The following CDK5RAP2 variants were observed in gnomAD, a reference collection of about 807,000 sequenced individuals.
The protein encoded by CDK5RAP2 is CDK5 regulatory subunit associated protein 2.
In CDK5RAP2, 147 loss-of-function variants were observed where a neutral mutation model predicts 232.9. The ratio of observed to expected loss-of-function variants is 0.63; its 90% CI spans 0.55 to 0.72. The LOEUF (loss-of-function observed/expected upper bound fraction) is 0.72. Among genes scored for constraint, CDK5RAP2 ranks in the 30% least tolerant of loss-of-function variants. CDK5RAP2 has a pLI of 0.00. For missense variants in CDK5RAP2, 2,195 were observed against 2,231.5 expected (o/e 0.98, Z 0.33); for synonymous variants, 833 against 833.7 (o/e 1.00, Z 0.01).
chr9:120,568,559 C>T lies in CDK5RAP2; in HGVS notation c.128-171G>A, dbSNP rs56308811. 0.022 allele frequency among the ~76,000 whole-genome samples: 3,355 copies of T among 152,286 alleles called. 56 individuals are homozygous for T. Among genetic ancestry groups the T allele is most frequent in the Non-Finnish European group, 0.037 (2,527 of 68,016 alleles). Reference sequence around the variant, plus strand: ...ATTTTGCTCCAGGGAAAGCTCTAAACCATTAATTTACAAATTACTTAAACT... The same window carrying T: ...ATTTTGCTCCAGGGAAAGCTCTAAATCATTAATTTACAAATTACTTAAACT... On this transcript the variant is annotated intron_variant, in intron 2 of 37. Coordinates refer to ENST00000349780, the MANE Select transcript of CDK5RAP2 (RefSeq NM_018249.6).
rs1460953030 is a variant in CDK5RAP2, at chr9:120,403,585, A to G, written c.5041+451T>C. On this transcript the variant is annotated intron_variant, in intron 33 of 37. Transcript: ENST00000349780. This position sits in a 1 kb window ranked among gnomAD's most constrained non-coding sequence, Gnocchi z 4.2. ...AAGGACAGCAGCAAAGGCATGTCAC[A>G]GAGAAATGTGTATTCATGATGAGTC... is the stretch of plus-strand genomic sequence containing the variant. 10 of 282,058 alleles carry G rather than the reference A, an allele frequency of 3.5e-5. No homozygotes were observed. The highest frequency in any genetic ancestry group is 6.2e-5 in the Non-Finnish European group (9 of 145,666). The allele number at this position is 282,058 out of a possible 1,614,324, so 17.5% of individuals were successfully genotyped here. A position where few individuals can be genotyped will look rare whatever the true frequency, so the allele number is the denominator to read the frequency against.
chr9:120,464,435 C>T (rs535805669), intron 18 of CDK5RAP2, among the ~76,000 whole-genome samples: 11 of 152,136 alleles, frequency 7.2e-5, no homozygotes, highest in Non-Finnish European at 1.5e-4. Context: ...CAATGCCTGA[C>T]GCTCAATAAC....
At chr9:120,452,238 G>GTCTCTCTC (rs373806149) in intron 21 of CDK5RAP2, among the ~76,000 whole-genome samples, 2,002 of 142,916 alleles carry the variant, frequency 0.014, 45 homozygotes, top group African/African-American at 0.048. Context: ...TATAATGGCA[G>GTCTCTCTC]TCTCTCTCTC....
rs970359583 is a variant in CDK5RAP2 at position 120,437,368 on chromosome 9, C to T, written c.3882G>A (p.Val1294=). 6.2e-7 allele frequency: 1 copy of T among 1,614,022 alleles called. No homozygotes were observed. The highest frequency in any genetic ancestry group is 1.3e-5 in the African/African-American group (1 of 74,910). The change falls in exon 25 of 38, where the codon GTG becomes GTA. Residue 1294 remains valine, a synonymous_variant. Coordinates refer to ENST00000349780, the MANE Select transcript of CDK5RAP2 (RefSeq NM_018249.6). ...LLQASDVDYC[V]AEGFQEQLNQ... is the part of the protein sequence containing the mutation. ...TCAGCTGTTCCTGGAAACCCTCGGCCACACAGTAATCCACATCACTGGCCT... is the reference window on the plus strand; with the variant it reads ...TCAGCTGTTCCTGGAAACCCTCGGCTACACAGTAATCCACATCACTGGCCT...
At chr9:120,510,605 G>C (rs887045965) in intron 12 of CDK5RAP2, among the ~76,000 whole-genome samples, 2 of 152,144 alleles carry the variant, frequency 1.3e-5, no homozygotes, top group Admixed American at 6.5e-5. Flanking sequence ...GAGAGCCCAG[G>C]TTTCTGGGCT....
chr9:120,397,670 C>T (rs988981905), intron 35 of CDK5RAP2, among the ~76,000 whole-genome samples: 3 of 151,512 alleles, frequency 2.0e-5, no homozygotes, highest in Non-Finnish European at 2.9e-5. Flanking sequence ...AGCACACTTC[C>T]CTGATTGCTT....
intron 3 of CDK5RAP2, among the ~76,000 whole-genome samples, chr9:120,565,647 T>C (rs2042620524): frequency 6.6e-6 from 1 of 152,164 alleles, no homozygotes; most frequent in Non-Finnish European, 1.5e-5. Context: ...TCAAACCCTG[T>C]CATGCCTCTC....
rs2031654986 is a variant in CDK5RAP2 at position 120,388,975 on chromosome 9, C to T, written c.*261G>A. The stretch of plus-strand genomic sequence containing the variant: ...ACGTGAAGCCCACCAAGGCGCACAG[C>T]CTCAACTCCGGTGCCTGCCCCTGAT... On this transcript the variant is annotated 3_prime_UTR_variant, in exon 38 of 38. Transcript: ENST00000349780. 1.7e-6 allele frequency: 1 copy of T among 572,504 alleles called. No homozygotes were observed. The highest frequency in any genetic ancestry group is 3.1e-6 in the Non-Finnish European group (1 of 323,074). The allele number at this position is 572,504 out of a possible 1,614,324, so 35.5% of individuals were successfully genotyped here. A position where few individuals can be genotyped will look rare whatever the true frequency, so the allele number is the denominator to read the frequency against.
At chr9:120,467,384 G>A (rs2037440139) in intron 18 of CDK5RAP2, among the ~76,000 whole-genome samples, 1 of 152,174 alleles carries the variant, frequency 6.6e-6, no homozygotes, top group Non-Finnish European at 1.5e-5. Flanking sequence ...AAGCATCACA[G>A]TATATCCAAT....
chr9:120,402,556 G>A (rs2033115150), intron 34 of CDK5RAP2, among the ~76,000 whole-genome samples: 1 of 152,154 alleles, frequency 6.6e-6, no homozygotes, highest in Non-Finnish European at 1.5e-5. Context: ...GATGTACAGA[G>A]GCCGTCATGG....
At chr9:120,460,922 T>C (rs1238367475) in intron 18 of CDK5RAP2, among the ~76,000 whole-genome samples, 2 of 152,234 alleles carry the variant, frequency 1.3e-5, no homozygotes, top group Admixed American at 6.5e-5. Context: ...ACTAAAGGCA[T>C]TGCCCCTTGC....
intron 20 of CDK5RAP2, 136 bp downstream of exon 20, chr9:120,458,314 C>G (rs1355505358): frequency 3.6e-6 from 3 of 843,132 alleles, no homozygotes; most frequent in Non-Finnish European, 5.8e-6. Context: ...TCATGACTGG[C>G]AAGATTCCTT....
rs1358487015 is a variant in CDK5RAP2, at chr9:120,491,347, T to C, written c.1442A>G (p.His481Arg). 2.5e-6 allele frequency: 4 copies of C among 1,613,622 alleles called. No homozygotes were observed. Among genetic ancestry groups the C allele is most frequent in the Non-Finnish European group, 2.5e-6 (3 of 1,179,782 alleles). ...KLHNQEQVIKHLTESTNQKDV... is the reference protein window; with the variant it reads ...KLHNQEQVIKRLTESTNQKDV... The stretch of plus-strand genomic sequence containing the variant: ...CTTCTGATTGGTACTTTCTGTTAGA[T>C]GTTTGATCACTTGCTCTTGATTGTG... Residue 481 changes from histidine to arginine, a missense_variant, in exon 13 of 38, where the codon CAT (histidine) becomes CGT (arginine). His to Arg is a conservative substitution (Grantham distance 29). Transcript: ENST00000349780.
intron 12 of CDK5RAP2, among the ~76,000 whole-genome samples, chr9:120,507,942 A>AT (rs1297654342): frequency 3.1e-5 from 1 of 32,560 alleles, no homozygotes; most frequent in African/African-American, 1.1e-4. Context: ...AAAAAAAAAA[A>AT]ATATATATAT....
chr9:120,401,839 C>T (rs192791907), intron 34 of CDK5RAP2, among the ~76,000 whole-genome samples: 101 of 151,992 alleles, frequency 6.6e-4, no homozygotes, highest in African/African-American at 2.3e-3. Flanking sequence ...CAAAAATCAG[C>T]CGGGCATGGT....
intron 6 of CDK5RAP2, among the ~76,000 whole-genome samples, chr9:120,537,746 G>A (rs560581017): frequency 2.2e-4 from 34 of 151,310 alleles, no homozygotes; most frequent in Non-Finnish European, 4.1e-4. Flanking sequence ...TCACCTCACA[G>A]AGGTTTACTG....
intron 18 of CDK5RAP2, among the ~76,000 whole-genome samples, chr9:120,463,001 G>A (rs1215288217): frequency 6.6e-6 from 1 of 152,168 alleles, no homozygotes; most frequent in East Asian, 1.9e-4. Context: ...TAGGTGGTGA[G>A]TATATGGGTA....
At chr9:120,554,806 G>C (rs1433154422) in intron 3 of CDK5RAP2, among the ~76,000 whole-genome samples, 1 of 151,890 alleles carries the variant, frequency 6.6e-6, no homozygotes, top group Non-Finnish European at 1.5e-5. Flanking sequence ...GCTAATTTTT[G>C]TACTTTTAGT....
chr9:120,465,540 C>T (rs753368605), intron 18 of CDK5RAP2, among the ~76,000 whole-genome samples: 1 of 151,980 alleles, frequency 6.6e-6, no homozygotes, highest in East Asian at 1.9e-4. Context: ...AGAAATCTGA[C>T]AAACTCTATC....
Sources: allele counts gnomAD v4.1 joint callset (sites outside exome capture counted in the v4.1 genomes callset), GRCh38; gene constraint gnomAD v4.1.1; non-coding constraint Gnocchi (gnomAD v3.1); transcripts MANE v1.5; gene names NCBI Gene and HGNC (gene_info 2026-07-23, HGNC 2026-07-21).